CNTN6: variants seen among roughly 807,000 people sequenced by gnomAD.
CNTN6 encodes contactin-6.
CNTN6 carries 137 observed loss-of-function variants against 122.8 expected under a neutral mutation model. The ratio of observed to expected loss-of-function variants is 1.12; its 90% CI spans 0.97 to 1.29. CNTN6 has a LOEUF of 1.29. CNTN6 is among the 50% of genes most tolerant of loss of function. CNTN6 has a pLI of 0.00. For missense variants in CNTN6, 1,634 were observed against 1,223.4 expected, an observed-to-expected ratio of 1.34 and a Z score of -5.01; for synonymous variants, 570 against 426.0, an observed-to-expected ratio of 1.34 and a Z score of -4.16.
chr3:1,387,042 G>GTACATCATTGACTCACAACTTGAAA (rs1189430985), intron 20 of CNTN6, among the ~76,000 whole-genome samples: 1 of 151,134 alleles, frequency 6.6e-6, no homozygotes, highest in Non-Finnish European at 1.5e-5. Flanking sequence ...CCAATTCTGG[G>GTACATCATTGACTCACAACTTGAAA]TACATCATTG....
intron 4 of CNTN6, among the ~76,000 whole-genome samples, chr3:1,271,399 A>T (rs2095024326): frequency 6.6e-6 from 1 of 152,152 alleles, no homozygotes; most frequent in South Asian, 2.1e-4. Context: ...GAGTAACTAA[A>T]GGGCCTTTAG....
intron 1 of CNTN6, among the ~76,000 whole-genome samples, chr3:1,128,055 A>G (rs918777789): frequency 5.3e-5 from 8 of 151,952 alleles, no homozygotes; most frequent in African/African-American, 1.9e-4. Context: ...GAATTACACA[A>G]TTGGCTTCCG....
chr3:1,142,968 GTATATATATATATATATATATA>G (rs3043051), intron 1 of CNTN6, among the ~76,000 whole-genome samples: 5 of 128,660 alleles, frequency 3.9e-5, no homozygotes, highest in African/African-American at 6.2e-5. Flanking sequence ...GTGTGTGTGT[GTATATATATATATATATATATA>G]TATATATATA....
At chr3:1,396,931 G>C (rs926853361) in intron 20 of CNTN6, among the ~76,000 whole-genome samples, 5 of 152,160 alleles carry the variant, frequency 3.3e-5, no homozygotes, top group African/African-American at 1.2e-4. Flanking sequence ...CACTGTCACT[G>C]TCTAGATTTG....
intron 1 of CNTN6, among the ~76,000 whole-genome samples, chr3:1,099,091 T>C (rs932035053): frequency 2.0e-5 from 3 of 152,016 alleles, no homozygotes; most frequent in African/African-American, 7.2e-5. Flanking sequence ...AAATAGTATA[T>C]TGAAAGCAAA....
intron 2 of CNTN6, among the ~76,000 whole-genome samples, chr3:1,186,361 A>G (rs2093627902): frequency 6.6e-6 from 1 of 152,118 alleles, no homozygotes; most frequent in Non-Finnish European, 1.5e-5. Flanking sequence ...ATGGCTTCAC[A>G]CACTGCAACT....
chr3:1,234,904 T>C (rs1450298127), intron 4 of CNTN6, among the ~76,000 whole-genome samples: 1 of 152,248 alleles, frequency 6.6e-6, no homozygotes, highest in Non-Finnish European at 1.5e-5. Context: ...AAACTTTGTC[T>C]TTGCTTTTAA....
chr3:1,325,623 A>G (rs566537766), intron 8 of CNTN6, among the ~76,000 whole-genome samples, 192 bp from the exon 9 acceptor site: 8 of 151,940 alleles, frequency 5.3e-5, no homozygotes, highest in South Asian at 2.1e-4. Flanking sequence ...CAAATGCCCA[A>G]TGATATTTGC....
intron 4 of CNTN6, among the ~76,000 whole-genome samples, chr3:1,252,583 A>T (rs928957188): frequency 3.3e-5 from 5 of 152,216 alleles, no homozygotes; most frequent in Non-Finnish European, 7.3e-5. Flanking sequence ...CCTACTAGTC[A>T]TTTTAGAGGA....
At chr3:1,347,626 A>C (rs1704936460) in intron 11 of CNTN6, among the ~76,000 whole-genome samples, 1 of 152,168 alleles carries the variant, frequency 6.6e-6, no homozygotes. Context: ...TGAGCAACAA[A>C]CAGAGTGAGA....
At chr3:1,202,398 G>A (rs1035101516) in intron 2 of CNTN6, among the ~76,000 whole-genome samples, 6 of 149,540 alleles carry the variant, frequency 4.0e-5, no homozygotes, top group African/African-American at 1.2e-4. Context: ...AAATCAGCCG[G>A]GCGTGGTGGC....
intron 2 of CNTN6, among the ~76,000 whole-genome samples, chr3:1,173,836 C>T (rs988996140): frequency 3.3e-5 from 5 of 151,646 alleles, no homozygotes; most frequent in African/African-American, 1.2e-4. Context: ...AGATATGCCA[C>T]TACATGCTCC....
At chr3:1,245,256 A>AC (rs4065405) in intron 4 of CNTN6, among the ~76,000 whole-genome samples, 2 of 4,024 alleles carry the variant, frequency 5.0e-4, no homozygotes, top group African/African-American at 1.1e-3. Context: ...ATATATATAT[A>AC]ACATATATAT....
At chr3:1,338,056 G>A (rs574069394) in intron 11 of CNTN6, among the ~76,000 whole-genome samples, 4 of 152,120 alleles carry the variant, frequency 2.6e-5, no homozygotes, top group Non-Finnish European at 4.4e-5. Flanking sequence ...CTCAATGTAC[G>A]CTGTTTTACC....
chr3:1,246,317 A>G (rs1013989907), intron 4 of CNTN6, among the ~76,000 whole-genome samples: 2 of 152,174 alleles, frequency 1.3e-5, no homozygotes, highest in African/African-American at 2.4e-5. Context: ...TATTGCTTCA[A>G]GTCTGGCTTA....
At chr3:1,236,963 G>C (rs13065183) in intron 4 of CNTN6, among the ~76,000 whole-genome samples, 18,450 of 151,674 alleles carry the variant, frequency 0.12, 1,219 homozygotes, top group African/African-American at 0.14. Flanking sequence ...CGCCTGTAGT[G>C]CCAGCTACTT....
At chr3:1,148,455 A>AT (rs2092770052) in intron 2 of CNTN6, among the ~76,000 whole-genome samples, 1 of 143,992 alleles carries the variant, frequency 6.9e-6, no homozygotes, top group Non-Finnish European at 1.5e-5. Flanking sequence ...TAAAATTAAA[A>AT]TACATATTTC....
intron 12 of CNTN6, among the ~76,000 whole-genome samples, chr3:1,360,848 G>T (rs546609492): frequency 6.6e-6 from 1 of 152,028 alleles, no homozygotes; most frequent in Non-Finnish European, 1.5e-5. Flanking sequence ...TGTTTCTACT[G>T]TCTTCTTTCT....
chr3:1,102,659 C>T lies in CNTN6; in HGVS notation c.-83+9539C>T, dbSNP rs547300219. Among the ~76,000 whole-genome samples, 1,263 of 149,386 alleles carry T rather than the reference C, an allele frequency of 8.5e-3. 1 individual carries two copies. Among genetic ancestry groups the T allele is most frequent in the Non-Finnish European group, 0.014 (950 of 66,788 alleles). On this transcript the variant is annotated intron_variant, in intron 1 of 22. Transcript: ENST00000446702. ...AGGAGAATGGCGGGAACCCGGGGGG[C>T]GGAGCTTGCAGTGAGCAGAGATGGC...
Sources: gnomAD v4.1 joint callset for allele counts (sites outside exome capture counted in the v4.1 genomes callset) on GRCh38, gnomAD v4.1.1 for gene constraint, MANE v1.5 for transcripts, NCBI Gene and HGNC (gene_info 2026-07-23, HGNC 2026-07-21) for gene names.